The following BARX2 variants were observed in gnomAD, a reference collection of about 807,000 sequenced individuals.
BARX2 encodes the protein homeobox protein BarH-like 2.
In BARX2, 11 loss-of-function variants were observed where a neutral mutation model predicts 25.5. That is an observed-to-expected ratio of 0.43 (90% CI 0.27 to 0.71). The LOEUF is 0.71. Ranked by LOEUF, BARX2 falls within the 30% of genes least tolerant of loss-of-function variation. BARX2 has a pLI of 0.19. For synonymous variants in BARX2, 137 were observed against 149.5 expected, an observed-to-expected ratio of 0.92 and a Z score of 0.61; for missense variants, 360 against 359.9, an observed-to-expected ratio of 1.00 and a Z score of 0.00.
intron 1 of BARX2, among the ~76,000 whole-genome samples, chr11:129,389,584 A>G (rs1375105929): frequency 6.6e-6 from 1 of 151,892 alleles, no homozygotes; most frequent in Non-Finnish European, 1.5e-5. Flanking sequence ...AGAGTTTCCT[A>G]GGATTCATTG....
At chr11:129,377,811 C>A (rs1861519401) in intron 1 of BARX2, among the ~76,000 whole-genome samples, 1 of 152,166 alleles carries the variant, frequency 6.6e-6, no homozygotes, top group Non-Finnish European at 1.5e-5. Context: ...TAGGTAGAGC[C>A]TAGTGCCGGC....
chr11:129,398,886 C>T (rs1372319511), intron 1 of BARX2, among the ~76,000 whole-genome samples: 1 of 152,188 alleles, frequency 6.6e-6, no homozygotes, highest in Non-Finnish European at 1.5e-5. Context: ...GAGAAGGGAT[C>T]TACGTGGCTG....
chr11:129,383,527 G>T (rs141545459), intron 1 of BARX2, among the ~76,000 whole-genome samples: 24 of 152,248 alleles, frequency 1.6e-4, no homozygotes, highest in African/African-American at 4.1e-4. Context: ...CAGAGGGAGA[G>T]AATTCTGAAG....
intron 1 of BARX2, among the ~76,000 whole-genome samples, chr11:129,435,405 G>A (rs1467327995): frequency 1.3e-5 from 2 of 152,224 alleles, no homozygotes; most frequent in Non-Finnish European, 2.9e-5. Context: ...CCAAACAAAG[G>A]CATGGGAAGG....
At chr11:129,383,123 G>A (rs1422701423) in intron 1 of BARX2, among the ~76,000 whole-genome samples, 1 of 152,178 alleles carries the variant, frequency 6.6e-6, no homozygotes, top group Non-Finnish European at 1.5e-5. Context: ...GAAGAGAGGT[G>A]TTTTGTTTGT....
intron 1 of BARX2, among the ~76,000 whole-genome samples, chr11:129,387,312 C>T (rs993251804): frequency 6.6e-6 from 1 of 152,100 alleles, no homozygotes; most frequent in Admixed American, 6.5e-5. Flanking sequence ...AGAAAAAATG[C>T]GGAGGACTTC....
chr11:129,395,358 C>G (rs2135390025), intron 1 of BARX2, among the ~76,000 whole-genome samples: 1 of 152,278 alleles, frequency 6.6e-6, no homozygotes, highest in South Asian at 2.1e-4. Context: ...CTTGAAGGAT[C>G]CTGCTGTTGT....
intron 2 of BARX2, chr11:129,437,286 A>G: frequency 1.8e-6 from 1 of 556,520 alleles, no homozygotes; most frequent in Non-Finnish European, 2.7e-6. Flanking sequence ...CTTTATCTCC[A>G]TATTTGAACT....
At chr11:129,444,424 T>C (rs1424794959) in intron 3 of BARX2, among the ~76,000 whole-genome samples, 1 of 152,190 alleles carries the variant, frequency 6.6e-6, no homozygotes, top group Non-Finnish European at 1.5e-5. Context: ...TGCCCACGAA[T>C]TAAGACAGAG....
chr11:129,438,587 A>G (rs955541476), intron 2 of BARX2, among the ~76,000 whole-genome samples: 6 of 152,228 alleles, frequency 3.9e-5, no homozygotes, highest in African/African-American at 1.4e-4. Context: ...AGGAGTCTGC[A>G]TATCACCGAC....
At chr11:129,385,377 T>TA (rs1170475782) in intron 1 of BARX2, among the ~76,000 whole-genome samples, 6 of 152,032 alleles carry the variant, frequency 3.9e-5, no homozygotes, top group Admixed American at 1.3e-4. Flanking sequence ...TAGTAAAAAA[T>TA]AAAAAACAAT....
intron 3 of BARX2, among the ~76,000 whole-genome samples, chr11:129,449,433 A>G (rs1862370062): frequency 6.6e-6 from 1 of 152,200 alleles, no homozygotes. Context: ...GGCTAGGTTT[A>G]TAAATAGCGA....
At chr11:129,419,043 A>T (rs1861975021) in intron 1 of BARX2, among the ~76,000 whole-genome samples, 1 of 152,118 alleles carries the variant, frequency 6.6e-6, no homozygotes, top group Non-Finnish European at 1.5e-5. Flanking sequence ...TGCGCACATG[A>T]GGTGAACAGG....
At chr11:129,379,708 C>T (rs1368309251) in intron 1 of BARX2, among the ~76,000 whole-genome samples, 2 of 151,844 alleles carry the variant, frequency 1.3e-5, no homozygotes, top group Non-Finnish European at 2.9e-5. Context: ...ACTTGCTTCA[C>T]AAAAATAAGG....
At chr11:129,428,789 G>C (rs539589909) in intron 1 of BARX2, among the ~76,000 whole-genome samples, 48 of 152,234 alleles carry the variant, frequency 3.2e-4, no homozygotes, top group Non-Finnish European at 1.5e-4. Context: ...GATTCTATTT[G>C]TTGACAATGG....
rs534118152 is a variant in BARX2 at position 129,446,088 on chromosome 11, T to C, written c.573+3169T>C. ...GTCAGCATTGGTAACCTATAGCGGGTTGGGTAAATTTAATCTTGCATATTT... is the reference window on the plus strand; with the variant it reads ...GTCAGCATTGGTAACCTATAGCGGGCTGGGTAAATTTAATCTTGCATATTT... On this transcript the variant is annotated intron_variant, in intron 3 of 3. Transcript: ENST00000281437. Among the ~76,000 whole-genome samples the C allele has an allele frequency of 3.9e-5, 6 of 152,008 alleles. No individual in the cohort carries two copies. The East Asian group carries it at 1.2e-3, about 29-fold the overall frequency.
chr11:129,416,941 A>G (rs1035274929), intron 1 of BARX2, among the ~76,000 whole-genome samples: 1 of 149,544 alleles, frequency 6.7e-6, no homozygotes, highest in African/African-American at 2.5e-5. Context: ...TCGCTGTGTC[A>G]CCCAGGCTGG....
intron 1 of BARX2, among the ~76,000 whole-genome samples, chr11:129,394,481 T>C (rs983260093): frequency 3.9e-5 from 6 of 152,236 alleles, no homozygotes; most frequent in African/African-American, 1.2e-4. Flanking sequence ...GGACGCATGC[T>C]AACTACCTAT....
intron 1 of BARX2, among the ~76,000 whole-genome samples, chr11:129,394,921 A>G (rs1251552102): frequency 1.4e-5 from 2 of 143,278 alleles, no homozygotes; most frequent in Non-Finnish European, 3.0e-5. Context: ...GCAGGAAGCT[A>G]TAGTCCACTC....
Sources: gnomAD v4.1 joint callset for allele counts (sites outside exome capture counted in the v4.1 genomes callset) on GRCh38, gnomAD v4.1.1 for gene constraint, MANE v1.5 for transcripts, NCBI Gene and HGNC (gene_info 2026-07-23, HGNC 2026-07-21) for gene names.